Variants in EEFSEC observed in about 807,000 individuals in gnomAD.
EEFSEC encodes the protein eukaryotic elongation factor, selenocysteine-tRNA specific.
Under a neutral mutation model 42.1 loss-of-function variants are expected in EEFSEC, and 43 were observed. The ratio of observed to expected loss-of-function variants is 1.02; its 90% CI spans 0.80 to 1.32. The LOEUF is 1.32. EEFSEC is among the 40% of genes most tolerant of loss of function. EEFSEC has a pLI of 0.00. For synonymous variants in EEFSEC, 354 were observed against 339.1 expected (o/e 1.04, Z -0.48); for missense variants, 745 against 803.6 (o/e 0.93, Z 0.88).
At chr3:128,182,415 AAAT>A (rs1346280038) in intron 1 of EEFSEC, among the ~76,000 whole-genome samples, 5 of 152,164 alleles carry the variant, frequency 3.3e-5, no homozygotes, top group Non-Finnish European at 5.9e-5. Flanking sequence ...TAGAAAACTT[AAAT>A]AATGTTAAAG....
At chr3:128,192,404 T>C (rs1397029468) in intron 1 of EEFSEC, among the ~76,000 whole-genome samples, 2 of 152,196 alleles carry the variant, frequency 1.3e-5, no homozygotes, top group Admixed American at 1.3e-4. Context: ...TCCTGCAGAT[T>C]CATTCAAGGC....
chr3:128,303,025 A>G (rs1026857718), intron 4 of EEFSEC, among the ~76,000 whole-genome samples: 5 of 152,346 alleles, frequency 3.3e-5, no homozygotes, highest in Admixed American at 6.5e-5. Context: ...CATTGTATGT[A>G]ACTTGATGGA....
intron 1 of EEFSEC, among the ~76,000 whole-genome samples, chr3:128,235,062 T>C (rs2065994021): frequency 6.6e-6 from 1 of 152,130 alleles, no homozygotes; most frequent in African/African-American, 2.4e-5. Flanking sequence ...TACTTACTTA[T>C]TTATTTTATT....
intron 4 of EEFSEC, among the ~76,000 whole-genome samples, chr3:128,316,714 A>C (rs1053841332): frequency 6.6e-6 from 1 of 152,154 alleles, no homozygotes; most frequent in Non-Finnish European, 1.5e-5. Flanking sequence ...GCGGTGAGCC[A>C]GCAGCGTGGG....
At chr3:128,341,916 A>AC in intron 5 of EEFSEC, 27 bp downstream of exon 5, 1 of 1,596,114 alleles carries the variant, frequency 6.3e-7, no homozygotes, top group Non-Finnish European at 8.5e-7. Context: ...CTGGCCCCAC[A>AC]CCCCTTCCCT....
At chr3:128,168,800 C>T (rs919867381) in intron 1 of EEFSEC, among the ~76,000 whole-genome samples, 4 of 152,194 alleles carry the variant, frequency 2.6e-5, no homozygotes, top group East Asian at 1.9e-4. Context: ...TTACTCTTTG[C>T]GACAGGTTGA....
chr3:128,192,714 C>T lies in EEFSEC; in HGVS notation c.316+38891C>T, dbSNP rs116037692. 4.6e-3 allele frequency among the ~76,000 whole-genome samples: 699 copies of T among 152,216 alleles called. 4 individuals carry two copies. Among genetic ancestry groups the T allele is most frequent in the African/African-American group, 0.015 (615 of 41,510 alleles). On this transcript the variant is annotated intron_variant, in intron 1 of 6. Transcript: ENST00000254730. The stretch of plus-strand genomic sequence containing the variant: ...CAGTATTTGTTGGACACCTGTGATA[C>T]TGGAAGGAGGAGCATATATTTGTTG...
At chr3:128,262,036 G>T (rs2066302175) in intron 2 of EEFSEC, 92 bp from the exon 3 acceptor site, 3 of 1,171,010 alleles carry the variant, frequency 2.6e-6, no homozygotes, top group East Asian at 2.3e-5. Context: ...GATGCTCACT[G>T]CACTTGGTAC....
intron 6 of EEFSEC, among the ~76,000 whole-genome samples, chr3:128,372,118 CT>C (rs1283189112): frequency 2.6e-5 from 4 of 152,194 alleles, no homozygotes; most frequent in African/African-American, 9.7e-5. Context: ...TGCAGTTATC[CT>C]ACCTAAATAA....
intron 6 of EEFSEC, among the ~76,000 whole-genome samples, chr3:128,401,778 G>A (rs1050130525): frequency 6.6e-6 from 1 of 152,144 alleles, no homozygotes; most frequent in African/African-American, 2.4e-5. Flanking sequence ...GCTGGAGGAC[G>A]GTGGATTCCT....
intron 1 of EEFSEC, among the ~76,000 whole-genome samples, chr3:128,176,517 T>G (rs1222651443): frequency 6.6e-6 from 1 of 152,128 alleles, no homozygotes; most frequent in Non-Finnish European, 1.5e-5. Flanking sequence ...TTGTTTTATG[T>G]TTGCACACTG....
At chr3:128,328,743 C>G (rs1477093425) in intron 4 of EEFSEC, among the ~76,000 whole-genome samples, 1 of 152,198 alleles carries the variant, frequency 6.6e-6, no homozygotes, top group Non-Finnish European at 1.5e-5. Context: ...AGCCTTGTAT[C>G]CAGTGTCCAC....
rs116086255 is a variant in EEFSEC, at chr3:128,372,683, T to C, written c.1600+14310T>C. Among the ~76,000 whole-genome samples the C allele has an allele frequency of 5.9e-3, 897 of 152,310 alleles. 7 individuals carry two copies. Among genetic ancestry groups the C allele is most frequent in the Non-Finnish European group, 9.6e-3 (650 of 68,030 alleles). ...CATGCTTTGTTGAAATCCACTACAG[T>C]GTAGAAATCCACTCTTTTGTTCCTT... On this transcript the variant is annotated intron_variant, in intron 6 of 6. Transcript: ENST00000254730.
At chr3:128,416,206 G>A in the EEFSEC span, among the ~76,000 whole-genome samples, 1 of 152,152 alleles carries the variant, frequency 6.6e-6, no homozygotes, top group African/African-American at 2.4e-5. Flanking sequence ...CCACATCTTG[G>A]GTGGGAACAC....
At chr3:128,186,221 T>C (rs2065463554) in intron 1 of EEFSEC, among the ~76,000 whole-genome samples, 2 of 152,244 alleles carry the variant, frequency 1.3e-5, no homozygotes, top group South Asian at 4.1e-4. Context: ...TGGTTGTTAA[T>C]ATATCTTCTT....
chr3:128,153,728 C>T lies in EEFSEC; in HGVS notation c.221C>T (p.Ala74Val), dbSNP rs750235500. 11 of 1,555,332 alleles carry T rather than the reference C, an allele frequency of 7.1e-6. No homozygotes were observed. The highest frequency in any genetic ancestry group is 7.8e-6 in the Non-Finnish European group (9 of 1,160,212). The change falls in exon 1 of 7, where the codon GCG (alanine) becomes GTG (valine). Residue 74 changes from alanine (A) to valine (V), a missense_variant. Transcript: ENST00000254730. ...LRSSLPEFQA[A>V]PEAEPEPGEP... Reference sequence around the variant, plus strand: ...TCGTCTTTGCCCGAGTTCCAGGCAGCGCCCGAGGCCGAGCCCGAGCCCGGC... The same window carrying T: ...TCGTCTTTGCCCGAGTTCCAGGCAGTGCCCGAGGCCGAGCCCGAGCCCGGC...
intron 4 of EEFSEC, chr3:128,337,156 G>A (rs376355752): frequency 5.9e-5 from 9 of 152,254 alleles, no homozygotes; most frequent in African/African-American, 1.7e-4. Flanking sequence ...GTTCCGAAGC[G>A]TCCCTCAGTG....
chr3:128,159,643 C>T (rs988207123), intron 1 of EEFSEC, among the ~76,000 whole-genome samples: 2 of 152,168 alleles, frequency 1.3e-5, no homozygotes, highest in East Asian at 3.9e-4. Flanking sequence ...ACGACTGCTC[C>T]CCACTCTGAC....
intron 4 of EEFSEC, among the ~76,000 whole-genome samples, chr3:128,279,537 C>G (rs891092981): frequency 1.3e-5 from 2 of 152,232 alleles, no homozygotes; most frequent in African/African-American, 4.8e-5. Context: ...CTGCACCCTT[C>G]AGGGGCCCTG....
Sources: gnomAD v4.1 joint callset for allele counts (sites outside exome capture counted in the v4.1 genomes callset) on GRCh38, gnomAD v4.1.1 for gene constraint, MANE v1.5 for transcripts, NCBI Gene and HGNC (gene_info 2026-07-23, HGNC 2026-07-21) for gene names.